M1AP: variants seen among roughly 807,000 people sequenced by gnomAD.
M1AP encodes meiosis 1 arrest protein.
A neutral mutation model predicts 51.2 loss-of-function variants in M1AP; 39 were observed. The observed-to-expected ratio is 0.76, with a 90% CI of 0.59 to 1.00. The LOEUF is 1.00. M1AP is among the 50% of genes least tolerant of loss of function. The probability of loss-of-function intolerance (pLI) is 0.00; values close to 1 mark genes in which losing one functional copy is unlikely to be tolerated. For synonymous variants in M1AP, 251 were observed against 249.2 expected (o/e 1.01, Z -0.07); for missense variants, 545 against 641.2 (o/e 0.85, Z 1.62).
chr2:74,606,123 A>G (rs1680980240), intron 4 of M1AP, among the ~76,000 whole-genome samples: 2 of 152,192 alleles, frequency 1.3e-5, no homozygotes, highest in Non-Finnish European at 2.9e-5. Flanking sequence ...GGTCTCCACT[A>G]TGGAGTGGTG....
At chr2:74,559,453 C>A (rs1428302442) in intron 10 of M1AP, among the ~76,000 whole-genome samples, 3 of 152,230 alleles carry the variant, frequency 2.0e-5, no homozygotes, top group Non-Finnish European at 2.9e-5. Context: ...AGCCACCGTG[C>A]CCGGCCTAAA....
At chr2:74,622,970 C>A (rs866493401) in intron 2 of M1AP, among the ~76,000 whole-genome samples, 1,578 of 131,780 alleles carry the variant, frequency 0.012, 29 homozygotes, top group African/African-American at 0.039. Flanking sequence ...AAAAAAAAAA[C>A]AAACCCAAAA....
chr2:74,582,928 C>T (rs1028827570), intron 4 of M1AP, among the ~76,000 whole-genome samples: 2 of 151,712 alleles, frequency 1.3e-5, no homozygotes, highest in Non-Finnish European at 1.5e-5. Context: ...GGCTGAGGCA[C>T]GAGAATTGCT....
At chr2:74,573,215 TTTTTA>T (rs1038800703) in intron 7 of M1AP, among the ~76,000 whole-genome samples, 7 of 151,874 alleles carry the variant, frequency 4.6e-5, no homozygotes, top group Admixed American at 1.3e-4. Context: ...CCCAGCTAAT[TTTTTA>T]TTTTATTTTA....
At chr2:74,607,249 T>A (rs761609622) in intron 3 of M1AP, 26 bp from the exon 4 acceptor site, 1 of 1,609,286 alleles carries the variant, frequency 6.2e-7, no homozygotes, top group East Asian at 2.2e-5. Context: ...AGAATCAATG[T>A]GTCTATTCTC....
At chr2:74,638,701 C>T (rs773921237) in intron 2 of M1AP, among the ~76,000 whole-genome samples, 26 of 152,162 alleles carry the variant, frequency 1.7e-4, no homozygotes, top group Admixed American at 3.9e-4. Context: ...GTGAATACGC[C>T]ATCTTGCAAC....
intron 7 of M1AP, among the ~76,000 whole-genome samples, chr2:74,570,221 A>G (rs1381449694): frequency 6.6e-6 from 1 of 152,190 alleles, no homozygotes; most frequent in Non-Finnish European, 1.5e-5. Context: ...CGGGAAATAA[A>G]AAAAGCGTCA....
chr2:74,628,354 G>A (rs923814485), intron 2 of M1AP: 8 of 374,084 alleles, frequency 2.1e-5, no homozygotes, highest in South Asian at 1.7e-4. Flanking sequence ...CCAGTGTTTC[G>A]TCTTAAAAAC....
intron 3 of M1AP, among the ~76,000 whole-genome samples, chr2:74,614,544 C>A (rs186259760): frequency 6.6e-5 from 10 of 152,190 alleles, no homozygotes; most frequent in Non-Finnish European, 1.5e-4. Context: ...TTGCTAATCC[C>A]GAGAAAAGTT....
At chr2:74,645,017 G>T (rs529857533) in intron 1 of M1AP, among the ~76,000 whole-genome samples, 1 of 152,092 alleles carries the variant, frequency 6.6e-6, no homozygotes, top group African/African-American at 2.4e-5. Context: ...TTGTTCTTTC[G>T]CTCTTTGCAA....
chr2:74,614,004 C>T (rs907027194), intron 3 of M1AP, among the ~76,000 whole-genome samples: 4 of 152,192 alleles, frequency 2.6e-5, no homozygotes, highest in Admixed American at 2.0e-4. Context: ...CCAGGCTGCT[C>T]TTGAACTCCT....
In M1AP at chr2:74,575,461, G is replaced by A. The variant is rs1361575809; in HGVS notation, c.1051C>T (p.His351Tyr). 5.0e-6 allele frequency: 8 copies of A among 1,614,132 alleles called. No homozygotes were observed. In the East Asian group the frequency reaches 8.9e-5, roughly 18 times the overall value. Reference sequence around the variant, plus strand: ...ACCAGCAGGCTGTGACACAAAGCATGGAAATGTTGCTGATTTGTCTCCAGC... The same window carrying A: ...ACCAGCAGGCTGTGACACAAAGCATAGAAATGTTGCTGATTTGTCTCCAGC... Reference protein sequence around the residue: ...DELETNQQHFHALCHSLLKRE... With the variant: ...DELETNQQHFYALCHSLLKRE... The change falls in exon 7 of 11, where the codon CAT (histidine) becomes TAT (tyrosine). Residue 351 changes from histidine to tyrosine, a missense_variant. By Grantham distance (83) the His-to-Tyr change is moderately conservative (BLOSUM62 2). Coordinates refer to ENST00000421985, the MANE Select transcript of M1AP (RefSeq NM_001321739.2).
chr2:74,593,947 T>G (rs926925633), intron 4 of M1AP, among the ~76,000 whole-genome samples: 1 of 152,142 alleles, frequency 6.6e-6, no homozygotes, highest in Non-Finnish European at 1.5e-5. Flanking sequence ...AAGAAATCCA[T>G]GAAAGGAGAG....
At chr2:74,647,586 T>C (rs1683682387) in intron 1 of M1AP, 1 of 198,510 alleles carries the variant, frequency 5.0e-6, no homozygotes, top group Non-Finnish European at 9.0e-6. Flanking sequence ...ATGGGTTCAC[T>C]TTAAACGAAA....
At chr2:74,629,689 T>C (rs148703196) in intron 2 of M1AP, among the ~76,000 whole-genome samples, 1,887 of 151,868 alleles carry the variant, frequency 0.012, 37 homozygotes, top group African/African-American at 0.043. Context: ...GAGGTGGAGA[T>C]TGCAGTGAGC....
rs1573196320 is a variant in M1AP at position 74,640,291 on chromosome 2, G to A, written c.-16C>T. On this transcript the variant is annotated 5_prime_UTR_variant, in exon 2 of 11. Coordinates refer to ENST00000421985, the MANE Select transcript of M1AP (RefSeq NM_001321739.2). ...CAGGATGCATGGCAGCAAAACCAGAGGGGGAACTGTAGCCACCAGCTGGAT... is the reference window on the plus strand; with the variant it reads ...CAGGATGCATGGCAGCAAAACCAGAAGGGGAACTGTAGCCACCAGCTGGAT... 1 of 1,613,704 alleles carries A rather than the reference G, an allele frequency of 6.2e-7. No homozygotes were observed. Among genetic ancestry groups the A allele is most frequent in the Non-Finnish European group, 8.5e-7 (1 of 1,179,794 alleles).
chr2:74,615,205 A>T, intron 2 of M1AP, 56 bp from the exon 3 acceptor site: 1 of 1,450,776 alleles, frequency 6.9e-7, no homozygotes, highest in Non-Finnish European at 9.6e-7. Flanking sequence ...TTTCAGATTA[A>T]TTGGCAGTCT....
intron 7 of M1AP, among the ~76,000 whole-genome samples, chr2:74,566,935 T>C (rs752568767): frequency 6.6e-6 from 1 of 152,210 alleles, no homozygotes; most frequent in Non-Finnish European, 1.5e-5. Flanking sequence ...ACATTTTAAG[T>C]AGGAAACTGA....
rs374729127 is a variant in M1AP at position 74,561,232 on chromosome 2, A to AAGGAGG, written c.1282-947_1282-942dup. 6.0e-3 allele frequency among the ~76,000 whole-genome samples: 206 copies of AAGGAGG among 34,128 alleles called. 2 individuals carry two copies. Among genetic ancestry groups the AAGGAGG allele is most frequent in the African/African-American group, 0.015 (164 of 11,306 alleles). The allele number at this position is 34,128 out of a possible 152,430, so 22.4% of individuals were successfully genotyped here. ...GGAGGAGGAGAAGGAGGAGGAGGAG[A>AAGGAGG]AGGAGGAGGAGGAGGAGGAGGAGGA... On this transcript the variant is annotated intron_variant, in intron 8 of 10. Coordinates refer to ENST00000421985, the MANE Select transcript of M1AP (RefSeq NM_001321739.2).
Sources: allele counts gnomAD v4.1 joint callset (sites outside exome capture counted in the v4.1 genomes callset), GRCh38; gene constraint gnomAD v4.1.1; transcripts MANE v1.5; gene names NCBI Gene and HGNC (gene_info 2026-07-23, HGNC 2026-07-21).